Variants in INPP4B observed in about 807,000 individuals in gnomAD.
INPP4B encodes the protein inositol polyphosphate-4-phosphatase type II B.
INPP4B carries 55 observed loss-of-function variants against 122.5 expected under a neutral mutation model. The ratio of observed to expected loss-of-function variants is 0.45; its 90% CI spans 0.36 to 0.56. The LOEUF (loss-of-function observed/expected upper bound fraction) is 0.56, where lower values mean the gene tolerates loss of function less well. INPP4B is among the 20% of genes least tolerant of loss of function. The pLI, the probability that INPP4B is intolerant of heterozygous loss-of-function variation, is 0.00. For synonymous variants in INPP4B, 403 were observed against 388.7 expected (o/e 1.04, Z -0.43); for missense variants, 1,000 against 1,097.7 (o/e 0.91, Z 1.26).
intron 1 of INPP4B, among the ~76,000 whole-genome samples, chr4:142,783,988 T>C (rs373667836): frequency 6.6e-6 from 1 of 152,314 alleles, no homozygotes. Context: ...CAGAGACTTT[T>C]GGTTTCACCT....
chr4:142,541,508 A>G (rs929455556), intron 2 of INPP4B, among the ~76,000 whole-genome samples: 2 of 128,102 alleles, frequency 1.6e-5, no homozygotes, highest in African/African-American at 5.0e-5. Flanking sequence ...TGAGGCCAAA[A>G]GACTAGGCAC....
At chr4:142,319,173 T>A (rs1769044240) in intron 7 of INPP4B, among the ~76,000 whole-genome samples, 1 of 152,136 alleles carries the variant, frequency 6.6e-6, no homozygotes, top group South Asian at 2.1e-4. Context: ...CTCATGCAAG[T>A]GCATCTGCTC....
chr4:142,751,981 G>T (rs1026390574), intron 1 of INPP4B, among the ~76,000 whole-genome samples: 5 of 151,682 alleles, frequency 3.3e-5, no homozygotes, highest in African/African-American at 4.8e-5. Flanking sequence ...TTTTTAAAAG[G>T]TTTAAATTTT....
chr4:142,237,451 T>C (rs1857155255), intron 12 of INPP4B, among the ~76,000 whole-genome samples: 1 of 152,140 alleles, frequency 6.6e-6, no homozygotes, highest in Admixed American at 6.6e-5. Context: ...TAATAATATA[T>C]TTTATATAAC....
chr4:142,174,260 T>C (rs1396022144), intron 15 of INPP4B, among the ~76,000 whole-genome samples: 2 of 152,148 alleles, frequency 1.3e-5, no homozygotes, highest in African/African-American at 2.4e-5. Context: ...GGCAGCCTTC[T>C]TCCTCATCAG....
At chr4:142,582,063 A>G (rs1735198742) in intron 2 of INPP4B, among the ~76,000 whole-genome samples, 1 of 152,084 alleles carries the variant, frequency 6.6e-6, no homozygotes, top group South Asian at 2.1e-4. Context: ...CATGCTGTAC[A>G]TGCTGCTTCT....
chr4:142,535,977 G>C (rs1207987695), intron 2 of INPP4B, among the ~76,000 whole-genome samples: 1 of 152,060 alleles, frequency 6.6e-6, no homozygotes, highest in Non-Finnish European at 1.5e-5. Flanking sequence ...CCCAGTACTG[G>C]CCTTAGACTT....
At chr4:142,141,954 C>G (rs1423023955) in intron 18 of INPP4B, among the ~76,000 whole-genome samples, 1 of 151,904 alleles carries the variant, frequency 6.6e-6, no homozygotes, top group Non-Finnish European at 1.5e-5. Context: ...ATAATCAAAA[C>G]CCTATGAAAT....
chr4:142,522,678 G>C (rs796092225), intron 2 of INPP4B, among the ~76,000 whole-genome samples: 14 of 152,154 alleles, frequency 9.2e-5, no homozygotes, highest in African/African-American at 3.4e-4. Flanking sequence ...CCTGAAAGAA[G>C]TGGTGGCCTC....
At chr4:142,564,087 T>C (rs934230518) in intron 2 of INPP4B, among the ~76,000 whole-genome samples, 2 of 152,222 alleles carry the variant, frequency 1.3e-5, no homozygotes, top group East Asian at 3.9e-4. Context: ...ATAGAATCCA[T>C]ATAGAAACTT....
chr4:142,128,811 C>T (rs1320005409), intron 18 of INPP4B, among the ~76,000 whole-genome samples: 1 of 152,136 alleles, frequency 6.6e-6, no homozygotes, highest in Non-Finnish European at 1.5e-5. Flanking sequence ...CATCTATTTC[C>T]TGTGCAGGAT....
chr4:142,604,799 C>T (rs1247214137), intron 2 of INPP4B, among the ~76,000 whole-genome samples: 4 of 151,960 alleles, frequency 2.6e-5, no homozygotes, highest in Non-Finnish European at 5.9e-5. Context: ...ACTTCCCAAG[C>T]CATCTACAAA....
chr4:142,261,267 T>C lies in INPP4B; in HGVS notation c.616-703A>G, dbSNP rs115462281. On this transcript the variant is annotated intron_variant, in intron 10 of 25. Transcript: ENST00000262992. ...TGTGGTGCTCTCCCTCAGCTTCCTA[T>C]GAAACTGTAATGGAAAGAGGAAACA... Among the ~76,000 whole-genome samples, 775 of 152,270 alleles carry C rather than the reference T, an allele frequency of 5.1e-3. 10 individuals carry two copies. The highest frequency in any genetic ancestry group is 0.018 in the African/African-American group (737 of 41,550).
At chr4:142,328,634 A>G (rs1579749721) in intron 7 of INPP4B, among the ~76,000 whole-genome samples, 2 of 151,946 alleles carry the variant, frequency 1.3e-5, no homozygotes, top group African/African-American at 4.8e-5. Context: ...GTCTCAGTAT[A>G]TTTTTTTTGG....
intron 1 of INPP4B, among the ~76,000 whole-genome samples, chr4:142,793,347 G>A (rs937096179): frequency 1.3e-5 from 2 of 152,026 alleles, no homozygotes; most frequent in African/African-American, 4.8e-5. Flanking sequence ...CCACTGTATG[G>A]ACCAATATTT....
chr4:142,555,796 G>C (rs760389911), intron 2 of INPP4B, among the ~76,000 whole-genome samples: 1 of 151,258 alleles, frequency 6.6e-6, no homozygotes, highest in African/African-American at 2.4e-5. Context: ...GCGTGAACCC[G>C]GGAGGCAGAG....
At chr4:142,198,828 C>G (rs1484707493) in intron 14 of INPP4B, among the ~76,000 whole-genome samples, 1 of 151,984 alleles carries the variant, frequency 6.6e-6, no homozygotes, top group African/African-American at 2.4e-5. Flanking sequence ...AATGACTTTT[C>G]TTTAATCCTG....
chr4:142,338,766 A>T (rs550416579), intron 7 of INPP4B, among the ~76,000 whole-genome samples: 1 of 152,288 alleles, frequency 6.6e-6, no homozygotes, highest in African/African-American at 2.4e-5. Flanking sequence ...ATTTTCACAT[A>T]TTGGAATTGG....
At position 142,411,830 on chromosome 4, in the gene INPP4B, T is replaced by G. The variant is rs28478062; in HGVS notation, c.137-6506A>C. Among the ~76,000 whole-genome samples, 1,164 of 152,250 alleles carry G rather than the reference T, an allele frequency of 7.6e-3. 15 individuals carry two copies. The highest frequency in any genetic ancestry group is 0.026 in the African/African-American group (1,096 of 41,548). ...TCACTTGAACCAGGGAGGCAGAGATTGCAGTGAGCTGAGATTGCACCACTG... is the reference window on the plus strand; with the variant it reads ...TCACTTGAACCAGGGAGGCAGAGATGGCAGTGAGCTGAGATTGCACCACTG... On this transcript the variant is annotated intron_variant, in intron 5 of 25. Transcript: ENST00000262992.
Sources: allele counts gnomAD v4.1 joint callset (sites outside exome capture counted in the v4.1 genomes callset), GRCh38; gene constraint gnomAD v4.1.1; transcripts MANE v1.5; gene names NCBI Gene and HGNC (gene_info 2026-07-23, HGNC 2026-07-21).